Variants in CUX2 observed in about 807,000 individuals in gnomAD.
CUX2 encodes the protein homeobox protein cut-like 2.
In CUX2, 40 loss-of-function variants were observed where a neutral mutation model predicts 144.8. The ratio of observed to expected loss-of-function variants is 0.28; its 90% CI spans 0.21 to 0.36. The LOEUF (loss-of-function observed/expected upper bound fraction) is 0.36. Among genes scored for constraint, CUX2 ranks in the 10% least tolerant of loss-of-function variants. CUX2 has a pLI of 1.00. For missense variants in CUX2, 1,615 were observed against 1,994.0 expected (o/e 0.81, Z 3.62); for synonymous variants, 827 against 875.6 (o/e 0.94, Z 0.98).
intron 1 of CUX2, among the ~76,000 whole-genome samples, chr12:111,204,582 C>T (rs886908074): frequency 2.0e-5 from 3 of 152,138 alleles, no homozygotes; most frequent in Admixed American, 6.5e-5. Flanking sequence ...GTTATAGGTT[C>T]GGGTCCCCAT....
At chr12:111,056,013 C>G (rs1870507867) in intron 1 of CUX2, among the ~76,000 whole-genome samples, 1 of 152,210 alleles carries the variant, frequency 6.6e-6, no homozygotes, top group Non-Finnish European at 1.5e-5. Context: ...TCTTTCCCCT[C>G]CATAGCTAGA....
chr12:111,135,969 C>G (rs1875856164), intron 1 of CUX2, among the ~76,000 whole-genome samples: 1 of 152,130 alleles, frequency 6.6e-6, no homozygotes, highest in Non-Finnish European at 1.5e-5. Flanking sequence ...AATATGCACT[C>G]CTACAATTAG....
At chr12:111,046,604 G>A (rs948595004) in intron 1 of CUX2, among the ~76,000 whole-genome samples, 2 of 152,112 alleles carry the variant, frequency 1.3e-5, no homozygotes, top group Admixed American at 6.5e-5. Context: ...CGCCACTGCC[G>A]AGGTCCCCCC....
intron 3 of CUX2, among the ~76,000 whole-genome samples, chr12:111,237,253 G>T (rs142796458): frequency 6.6e-6 from 1 of 152,196 alleles, no homozygotes; most frequent in African/African-American, 2.4e-5. Context: ...GCTTGACCCC[G>T]ATTTATCCCA....
At chr12:111,118,362 G>A (rs1874422547) in intron 1 of CUX2, among the ~76,000 whole-genome samples, 1 of 152,184 alleles carries the variant, frequency 6.6e-6, no homozygotes, top group South Asian at 2.1e-4. Flanking sequence ...ACATGTTAAA[G>A]CATGATAGAG....
intron 1 of CUX2, among the ~76,000 whole-genome samples, chr12:111,173,022 G>C (rs1025482163): frequency 6.6e-6 from 1 of 152,228 alleles, no homozygotes; most frequent in African/African-American, 2.4e-5. Context: ...GTGCGGGACT[G>C]GAATCTTCCA....
chr12:111,323,619 G>A (rs754439640), intron 18 of CUX2, among the ~76,000 whole-genome samples: 28 of 151,308 alleles, frequency 1.9e-4, no homozygotes, highest in African/African-American at 5.1e-4. Flanking sequence ...GAGGGAGACC[G>A]TGTCTCTACA....
At chr12:111,305,251 T>G (rs753620229) in intron 10 of CUX2, among the ~76,000 whole-genome samples, 2 of 152,200 alleles carry the variant, frequency 1.3e-5, no homozygotes, top group Non-Finnish European at 2.9e-5. Flanking sequence ...AGGGGTGAGA[T>G]TCATGATTCC....
At chr12:111,339,277 G>C (rs1197868238) in intron 20 of CUX2, among the ~76,000 whole-genome samples, 3 of 151,780 alleles carry the variant, frequency 2.0e-5, no homozygotes, top group Non-Finnish European at 4.4e-5. Context: ...CCCATCTCTT[G>C]TTGTCCTTTC....
intron 3 of CUX2, among the ~76,000 whole-genome samples, chr12:111,228,030 A>T: frequency 6.6e-6 from 1 of 152,134 alleles, no homozygotes; most frequent in East Asian, 1.9e-4. Context: ...GGGATGGGAG[A>T]GAGTCACCAG....
In CUX2 at chr12:111,310,182, G is replaced by C; in HGVS notation, c.1400G>C (p.Ser467Thr). The change falls in exon 15 of 22, where the codon AGC becomes ACC. Residue 467 changes from serine (S) to threonine (T), a missense_variant. Ser to Thr is a moderately conservative substitution (Grantham distance 58, BLOSUM62 1). Coordinates refer to ENST00000261726, the MANE Select transcript of CUX2 (RefSeq NM_015267.4). The surrounding 1 kb of genome is among the most constrained non-coding windows in gnomAD (Gnocchi z 7.9). ...PSPGQPLLGP[S>T]LGPDGTRTFS... ...CCCGGGCAGCCCCTGCTGGGCCCCAGCTTGGGGCCTGACGGCACTCGGACT... is the reference window on the plus strand; with the variant it reads ...CCCGGGCAGCCCCTGCTGGGCCCCACCTTGGGGCCTGACGGCACTCGGACT... 3 of 1,551,500 alleles carry C rather than the reference G, an allele frequency of 1.9e-6. No individual in the cohort carries two copies. In the Middle Eastern group the frequency reaches 5.2e-4, roughly 269 times the overall value.
At chr12:111,297,471 A>G (rs765601905) in intron 8 of CUX2, among the ~76,000 whole-genome samples, 5 of 152,232 alleles carry the variant, frequency 3.3e-5, no homozygotes, top group Non-Finnish European at 7.3e-5. Flanking sequence ...CACCACAGCC[A>G]TAAATAATGT....
Position 111,222,431 on chromosome 12 carries a change from C to T in CUX2, c.222+4494C>T, listed in dbSNP as rs372303894. Among the ~76,000 whole-genome samples the T allele has an allele frequency of 4.6e-5, 7 of 152,228 alleles. No individual in the cohort carries two copies. The South Asian group carries it at 8.3e-4, about 18-fold the overall frequency. On this transcript the variant is annotated intron_variant, in intron 3 of 21. Transcript: ENST00000261726. ...GTTGGGAGATTTTCTTTTTCTCTGC[C>T]GCCTTTTTCTTCCACCATAAAGGGG...
At chr12:111,043,123 T>G (rs1869828988) in intron 1 of CUX2, among the ~76,000 whole-genome samples, 1 of 152,118 alleles carries the variant, frequency 6.6e-6, no homozygotes, top group African/African-American at 2.4e-5. Context: ...AATTACATAT[T>G]AAAGATGATA....
At chr12:111,137,133 C>T (rs943876228) in intron 1 of CUX2, among the ~76,000 whole-genome samples, 3 of 151,472 alleles carry the variant, frequency 2.0e-5, no homozygotes, top group Admixed American at 2.0e-4. Context: ...TAGAGATGGC[C>T]ATCTTGGCCA....
intron 1 of CUX2, among the ~76,000 whole-genome samples, chr12:111,044,672 C>T (rs1337831006): frequency 1.3e-5 from 2 of 152,272 alleles, no homozygotes; most frequent in East Asian, 3.9e-4. Flanking sequence ...TGTCTGCCTC[C>T]CTCTCTGGGG....
rs542811849 is a variant in CUX2, at chr12:111,100,852, CT to C, written c.63+66614del. 2.6e-3 allele frequency among the ~76,000 whole-genome samples: 398 copies of C among 152,294 alleles called. 3 individuals are homozygous for C. Among genetic ancestry groups the C allele is most frequent in the African/African-American group, 9.2e-3 (382 of 41,574 alleles). ...GAGCACATGTGTGGGGCACTTCCAT[CT>C]TGCATGGGGGAGCCCCCAGTAGAGC... On this transcript the variant is annotated intron_variant, in intron 1 of 21. Transcript: ENST00000261726.
chr12:111,256,068 C>T (rs1384490738), intron 3 of CUX2, among the ~76,000 whole-genome samples: 3 of 152,024 alleles, frequency 2.0e-5, no homozygotes, highest in Non-Finnish European at 4.4e-5. Flanking sequence ...AACAGGAGCC[C>T]CTCCCCCTCT....
intron 1 of CUX2, among the ~76,000 whole-genome samples, chr12:111,088,412 A>G (rs1327795583): frequency 6.6e-6 from 1 of 152,174 alleles, no homozygotes; most frequent in East Asian, 1.9e-4. Context: ...TTCTTTCTGC[A>G]TGTGAATCAG....
Sources: gnomAD v4.1 joint callset for allele counts (sites outside exome capture counted in the v4.1 genomes callset) on GRCh38, gnomAD v4.1.1 for gene constraint, Gnocchi (gnomAD v3.1) non-coding constraint, MANE v1.5 for transcripts, NCBI Gene and HGNC (gene_info 2026-07-23, HGNC 2026-07-21) for gene names.